ZNF276: variants seen among roughly 807,000 people sequenced by gnomAD.
ZNF276 encodes the protein centromere protein Z.
ZNF276 carries 59 observed loss-of-function variants against 63.9 expected under a neutral mutation model. The observed-to-expected ratio is 0.92, with a 90% CI of 0.75 to 1.15. ZNF276 has a LOEUF of 1.15. Ranked by LOEUF, ZNF276 falls within the 50% of genes most tolerant of loss-of-function variation. The probability of loss-of-function intolerance (pLI) is 0.00; values close to 1 mark genes in which losing one functional copy is unlikely to be tolerated. For missense variants in ZNF276, 1,084 were observed against 843.8 expected (o/e 1.28, Z -3.53); for synonymous variants, 496 against 348.4 (o/e 1.42, Z -4.72).
rs151241802 is a variant in ZNF276, at chr16:89,740,031, C to G, written c.*1785C>G. 1.2e-6 allele frequency: 2 copies of G among 1,614,064 alleles called. No homozygotes were observed. The highest frequency in any genetic ancestry group is 2.7e-5 in the African/African-American group (2 of 74,914). On this transcript the variant is annotated 3_prime_UTR_variant, in exon 11 of 11. Coordinates refer to ENST00000443381, the MANE Select transcript of ZNF276 (RefSeq NM_001113525.2). Reference sequence around the variant, plus strand: ...ACTGAAAGAGTGCCAGCCAGGATATCTTCCTCTTCTCTAAACACTCGAGGA... The same window carrying G: ...ACTGAAAGAGTGCCAGCCAGGATATGTTCCTCTTCTCTAAACACTCGAGGA...
At position 89,740,254 on chromosome 16, in the gene ZNF276, C is replaced by T; in HGVS notation, c.*2008C>T. On this transcript the variant is annotated 3_prime_UTR_variant, in exon 11 of 11. Coordinates refer to ENST00000443381, the MANE Select transcript of ZNF276 (RefSeq NM_001113525.2). ...TTTACCTATAGAAGGTAATACTGGG[C>T]CTCTGGACAGAAGAGGCTCAGGTAG... 1.4e-6 allele frequency: 1 copy of T among 715,142 alleles called. No homozygotes were observed. Among genetic ancestry groups the T allele is most frequent in the South Asian group, 1.5e-5 (1 of 67,352 alleles). The allele number at this position is 715,142 out of a possible 1,614,324, so 44.3% of individuals were successfully genotyped here. A position where few individuals can be genotyped will look rare whatever the true frequency, so the allele number is the denominator to read the frequency against.
intron 9 of ZNF276, among the ~76,000 whole-genome samples, chr16:89,736,137 T>C (rs2061871962): frequency 6.6e-6 from 1 of 152,182 alleles, no homozygotes; most frequent in African/African-American, 2.4e-5. Context: ...GTGATCCACC[T>C]GCCTCGGCCT....
In ZNF276 at chr16:89,739,653, T is replaced by C; in HGVS notation, c.*1407T>C. ...GTCGGGACGTGTACCCTGGGAGGCC[T>C]GGCTGTGGGGATAGTGTGGGGCGAA... is the stretch of plus-strand genomic sequence containing the variant. On this transcript the variant is annotated 3_prime_UTR_variant, in exon 11 of 11. Transcript: ENST00000443381. The C allele has an allele frequency of 1.3e-6, 2 of 1,510,244 alleles. No homozygotes were observed. The highest frequency in any genetic ancestry group is 1.8e-6 in the Non-Finnish European group (2 of 1,112,604). 93.6% of individuals were successfully genotyped at this position (1,510,244 alleles called of 1,614,324 possible). A position where few individuals can be genotyped will look rare whatever the true frequency, so the allele number is the denominator to read the frequency against.
chr16:89,721,981 G>A, intron 1 of ZNF276, 136 bp downstream of exon 1: 1 of 618,052 alleles, frequency 1.6e-6, no homozygotes, highest in Non-Finnish European at 2.3e-6. Flanking sequence ...GGGCTGCGTC[G>A]GGATAGGCGC....
At position 89,722,621 on chromosome 16, in the gene ZNF276, CTGGAGCGAGCA is replaced by C. The variant is rs2061333204; in HGVS notation, c.302_312del (p.Ala101GlufsTer185). The C allele has an allele frequency of 6.2e-7, 1 of 1,611,970 alleles. No individual in the cohort carries two copies. The highest frequency in any genetic ancestry group is 1.7e-5 in the Admixed American group (1 of 60,004). ...CTGCGCAGCATCTCCGAGAGGGCGC[CTGGAGCGAGCA>C]TGGAGAGGCCATCCGCAGAGGAGCG... On this transcript the variant is annotated frameshift_variant, in exon 2 of 11. Transcript: ENST00000443381. LOFTEE classifies it high-confidence loss of function.
intron 4 of ZNF276, among the ~76,000 whole-genome samples, chr16:89,724,599 A>G (rs1019766428): frequency 2.6e-5 from 4 of 152,216 alleles, no homozygotes; most frequent in East Asian, 1.9e-4. Context: ...GTGAGCCGAC[A>G]TCGCACAACC....
In ZNF276 at chr16:89,723,417, C is replaced by T. The variant is rs374167494; in HGVS notation, c.714C>T (p.His238=). The T allele has an allele frequency of 3.0e-5, 49 of 1,612,884 alleles. No homozygotes were observed. In the African/African-American group the frequency reaches 3.6e-4, roughly 12 times the overall value. ...IQVVWGCDQG[H]DYTMDTSSSC... ...TCGTGTGGGGCTGCGACCAGGGCCA[C>T]GACTACACCATGGATACCAGCTCCA... Residue 238 remains histidine (H), a synonymous_variant, in exon 4 of 11, where the codon CAC becomes CAT. Coordinates refer to ENST00000443381, the MANE Select transcript of ZNF276 (RefSeq NM_001113525.2).
chr16:89,723,295 G>C lies in ZNF276; in HGVS notation c.592G>C (p.Gly198Arg), dbSNP rs543320324. ...LITSSPQCLH[G>R]LVGWVHGHAA... ...CACATCCAGCCCCCAGTGCCTGCACGGCTTGGTGGGGTGGGTGCATGGACA... is the reference window on the plus strand; with the variant it reads ...CACATCCAGCCCCCAGTGCCTGCACCGCTTGGTGGGGTGGGTGCATGGACA... The change falls in exon 4 of 11, where the codon GGC becomes CGC. Residue 198 changes from glycine to arginine, a missense_variant. Gly to Arg is a moderately radical substitution (Grantham distance 125). Transcript: ENST00000443381. The C allele has an allele frequency of 6.2e-7, 1 of 1,613,028 alleles. No individual in the cohort carries two copies. The highest frequency in any genetic ancestry group is 1.7e-5 in the Admixed American group (1 of 60,014).
At chr16:89,721,492 C>G (rs1001898814), upstream of ZNF276, 39 of 768,474 alleles carry the variant, frequency 5.1e-5, no homozygotes, top group Admixed American at 5.8e-4. Context: ...TGGCCCCTGG[C>G]CCGCCCCGCC....
At chr16:89,726,789 G>A (rs752941434) in intron 4 of ZNF276, among the ~76,000 whole-genome samples, 2 of 151,818 alleles carry the variant, frequency 1.3e-5, no homozygotes, top group Non-Finnish European at 2.9e-5. Context: ...GGGATTACAG[G>A]TGTGTGCCAC....
chr16:89,724,269 G>A (rs2061401259), intron 4 of ZNF276, among the ~76,000 whole-genome samples: 1 of 152,196 alleles, frequency 6.6e-6, no homozygotes, highest in South Asian at 2.1e-4. Context: ...GTTTTAGGAG[G>A]GCCAGGGCCA....
chr16:89,738,831 T>C lies in ZNF276; in HGVS notation c.*585T>C. 1 of 1,614,144 alleles carries C rather than the reference T, an allele frequency of 6.2e-7. No individual in the cohort carries two copies. Among genetic ancestry groups the C allele is most frequent in the Non-Finnish European group, 8.5e-7 (1 of 1,180,018 alleles). The stretch of plus-strand genomic sequence containing the variant: ...CAGGCAGGCACATGGCCCAGGCAGC[T>C]GTCAATTCTCATGTCCCCCACATGG... On this transcript the variant is annotated 3_prime_UTR_variant, in exon 11 of 11. Coordinates refer to ENST00000443381, the MANE Select transcript of ZNF276 (RefSeq NM_001113525.2).
At chr16:89,721,340 C>A (rs1021979142), upstream of ZNF276, 3 of 305,462 alleles carry the variant, frequency 9.8e-6, 1 homozygote, top group Non-Finnish European at 1.8e-5. Flanking sequence ...GTCGGCGAGC[C>A]CCTCCGCCCA....
chr16:89,720,741 C>A, upstream of ZNF276: 1 of 1,431,030 alleles, frequency 7.0e-7, no homozygotes, highest in Non-Finnish European at 9.2e-7. Flanking sequence ...AGCGGCCAAG[C>A]CCCGCCCCCG....
In ZNF276 at chr16:89,739,145, C is replaced by T. The variant is rs770551622; in HGVS notation, c.*899C>T. The T allele has an allele frequency of 6.2e-7, 1 of 1,614,162 alleles. No homozygotes were observed. The highest frequency in any genetic ancestry group is 8.5e-7 in the Non-Finnish European group (1 of 1,180,034). On this transcript the variant is annotated 3_prime_UTR_variant, in exon 11 of 11. Transcript: ENST00000443381. ...CCCTTGCACCTGCCTGACCCTTGAG[C>T]TCCAGGCTCCTGCCAGCTGGAGGTG...
At position 89,734,042 on chromosome 16, in the gene ZNF276, C is replaced by T. The variant is rs375832040; in HGVS notation, c.1474+4C>T. 3.2e-5 allele frequency: 51 copies of T among 1,612,982 alleles called. No homozygotes were observed. In the East Asian group the frequency reaches 3.8e-4, roughly 12 times the overall value. Reference sequence around the variant, plus strand: ...CACGTGAAGCTCATCCACACAGGTACGCCTATCGCCAGTGTCGCCCACGCG... The same window carrying T: ...CACGTGAAGCTCATCCACACAGGTATGCCTATCGCCAGTGTCGCCCACGCG... On this transcript the variant is annotated splice_donor_region_variant and intron_variant, in intron 9 of 10. Coordinates refer to ENST00000443381, the MANE Select transcript of ZNF276 (RefSeq NM_001113525.2).
At chr16:89,730,726 AG>A (rs1372461105) in intron 6 of ZNF276, among the ~76,000 whole-genome samples, 1 of 152,136 alleles carries the variant, frequency 6.6e-6, no homozygotes, top group Non-Finnish European at 1.5e-5. Flanking sequence ...GGCGAGTACC[AG>A]GGGCACTTGG....
chr16:89,734,057 T>C lies in ZNF276; in HGVS notation c.1474+19T>C. 6.2e-7 allele frequency: 1 copy of C among 1,610,288 alleles called. No individual in the cohort carries two copies. Among genetic ancestry groups the C allele is most frequent in the Non-Finnish European group, 8.5e-7 (1 of 1,177,096 alleles). Reference sequence around the variant, plus strand: ...CACACAGGTACGCCTATCGCCAGTGTCGCCCACGCGGGTGACAGCCAGGGG... The same window carrying C: ...CACACAGGTACGCCTATCGCCAGTGCCGCCCACGCGGGTGACAGCCAGGGG... On this transcript the variant is annotated intron_variant, in intron 9 of 10. Transcript: ENST00000443381.
At chr16:89,729,375 C>G in intron 6 of ZNF276, 57 bp downstream of exon 6, 2 of 1,496,282 alleles carry the variant, frequency 1.3e-6, no homozygotes, top group Non-Finnish European at 1.9e-6. Context: ...TAGACACCCG[C>G]CTGTGCTCCA....
Sources: allele counts gnomAD v4.1 joint callset (sites outside exome capture counted in the v4.1 genomes callset), GRCh38; gene constraint gnomAD v4.1.1; transcripts MANE v1.5; gene names NCBI Gene and HGNC (gene_info 2026-07-23, HGNC 2026-07-21).